The following MYO9A variants were observed in gnomAD, a reference collection of about 807,000 sequenced individuals.
The protein encoded by MYO9A is unconventional myosin-IXa.
A neutral mutation model predicts 293.3 loss-of-function variants in MYO9A; 103 were observed. The ratio of observed to expected loss-of-function variants is 0.35; its 90% CI spans 0.30 to 0.41. MYO9A has a LOEUF of 0.41. MYO9A is among the 10% of genes least tolerant of loss of function. The pLI, the probability that MYO9A is intolerant of heterozygous loss-of-function variation, is 1.00. For missense variants in MYO9A, 2,685 were observed against 3,033.0 expected (o/e 0.89, Z 2.69); for synonymous variants, 1,001 against 1,035.7 (o/e 0.97, Z 0.64).
intron 4 of MYO9A, among the ~76,000 whole-genome samples, chr15:72,021,235 A>G (rs1197799479): frequency 6.6e-6 from 1 of 152,204 alleles, no homozygotes; most frequent in Non-Finnish European, 1.5e-5. Context: ...CAAAGTTAAC[A>G]AAGTTAGGAC....
chr15:71,928,330 GC>G (rs2058383469), intron 18 of MYO9A, among the ~76,000 whole-genome samples: 1 of 151,272 alleles, frequency 6.6e-6, no homozygotes, highest in South Asian at 2.1e-4. Flanking sequence ...ACCCGCCTCG[GC>G]CTCCCAAAGT....
At chr15:71,930,645 T>A (rs2058450125) in intron 18 of MYO9A, among the ~76,000 whole-genome samples, 1 of 152,210 alleles carries the variant, frequency 6.6e-6, no homozygotes, top group Non-Finnish European at 1.5e-5. Flanking sequence ...CTTTTTTTAA[T>A]GCATTCAGGC....
At chr15:72,001,112 CTATACTTAATGT>C (rs2076851988) in intron 8 of MYO9A, among the ~76,000 whole-genome samples, 1 of 152,116 alleles carries the variant, frequency 6.6e-6, no homozygotes, top group African/African-American at 2.4e-5. Flanking sequence ...CAAACCTTGA[CTATACTTAATGT>C]TACCAGACCT....
intron 18 of MYO9A, among the ~76,000 whole-genome samples, chr15:71,923,981 T>C (rs939179897): frequency 6.6e-6 from 1 of 152,136 alleles, no homozygotes; most frequent in South Asian, 2.1e-4. Flanking sequence ...TAGACAATTA[T>C]TGCTATAAAC....
At chr15:72,100,952 G>A (rs56295239) in intron 1 of MYO9A, among the ~76,000 whole-genome samples, 2 of 119,630 alleles carry the variant, frequency 1.7e-5, no homozygotes, top group African/African-American at 6.7e-5. Flanking sequence ...GCCAGCCGCC[G>A]CGTCCCGGAG....
Position 72,010,390 on chromosome 15 carries a change from C to T in MYO9A, c.1213G>A (p.Ala405Thr). 6.2e-7 allele frequency: 1 copy of T among 1,613,432 alleles called. No individual in the cohort carries two copies. Among genetic ancestry groups the T allele is most frequent in the Non-Finnish European group, 8.5e-7 (1 of 1,179,630 alleles). ...LRHDFERLQLAMEMVGFLPKT... is the reference protein window; with the variant it reads ...LRHDFERLQLTMEMVGFLPKT... ...GGAAGAAATCCTACCATTTCCATGG[C>T]AAGTTGTAGGCGCTCAAAGTCATGT... The change falls in exon 7 of 42, where the codon GCC becomes ACC. Residue 405 changes from alanine to threonine, a missense_variant. Coordinates refer to ENST00000356056, the MANE Select transcript of MYO9A (RefSeq NM_006901.4).
chr15:71,826,923 G>A lies in MYO9A; in HGVS notation c.7304C>T (p.Ser2435Phe). 4 of 1,614,050 alleles carry A rather than the reference G, an allele frequency of 2.5e-6. No individual in the cohort carries two copies. The highest frequency in any genetic ancestry group is 3.4e-6 in the Non-Finnish European group (4 of 1,179,938). The change falls in exon 42 of 42, where the codon TCT (serine) becomes TTT (phenylalanine). Residue 2435 changes from serine to phenylalanine, a missense_variant. This residue lies in a region of MYO9A where 350 missense variants were observed against 328.9 expected (regional missense o/e 1.06). Coordinates refer to ENST00000356056, the MANE Select transcript of MYO9A (RefSeq NM_006901.4). The part of the protein sequence containing the change: ...SLDVVDSSVS[S>F]LCLSNTASSH... Reference sequence around the variant, plus strand: ...TGATGCCGTGTTAGACAGACATAAAGAGGAGACCGAAGAGTCCACGACATC... The same window carrying A: ...TGATGCCGTGTTAGACAGACATAAAAAGGAGACCGAAGAGTCCACGACATC...
intron 2 of MYO9A, among the ~76,000 whole-genome samples, chr15:72,042,677 A>AG (rs2078261597): frequency 6.6e-6 from 1 of 152,072 alleles, no homozygotes; most frequent in Non-Finnish European, 1.5e-5. Context: ...AGAAAAAAAA[A>AG]AAAAGACATC....
intron 39 of MYO9A, among the ~76,000 whole-genome samples, chr15:71,833,953 C>G (rs761418624): frequency 2.0e-4 from 30 of 151,876 alleles, no homozygotes; most frequent in African/African-American, 5.6e-4. Context: ...GGATGTAAGA[C>G]TCTATTTCAG....
At chr15:71,995,314 T>G (rs1308985987) in intron 9 of MYO9A, among the ~76,000 whole-genome samples, 1 of 152,194 alleles carries the variant, frequency 6.6e-6, no homozygotes, top group Non-Finnish European at 1.5e-5. Context: ...TCTTAAAACA[T>G]ACACTAATAC....
At chr15:71,961,447 A>G (rs2075737448) in intron 13 of MYO9A, among the ~76,000 whole-genome samples, 2 of 152,330 alleles carry the variant, frequency 1.3e-5, no homozygotes, top group Admixed American at 1.3e-4. Context: ...AATAGTAGGT[A>G]ACACTTGAGA....
chr15:71,825,005 T>A lies in MYO9A; in HGVS notation c.*1575A>T, dbSNP rs545501936. 2.6e-5 allele frequency: 4 copies of A among 152,342 alleles called. No homozygotes were observed. The South Asian group carries it at 6.2e-4, about 24-fold the overall frequency. The allele number at this position is 152,342 out of a possible 1,614,324, so 9.4% of individuals were successfully genotyped here. ...GGAAGAATACCCAAAATACAGGTTA[T>A]AGATGGTAAAGGCTCTTTTTCAGAG... On this transcript the variant is annotated 3_prime_UTR_variant, in exon 42 of 42. Coordinates refer to ENST00000356056, the MANE Select transcript of MYO9A (RefSeq NM_006901.4).
At chr15:71,963,090 T>G (rs1596291273) in intron 13 of MYO9A, among the ~76,000 whole-genome samples, 1 of 152,126 alleles carries the variant, frequency 6.6e-6, no homozygotes, top group East Asian at 1.9e-4. Context: ...TTTTTTGGTT[T>G]GTTTGTTTTT....
intron 1 of MYO9A, among the ~76,000 whole-genome samples, chr15:72,110,385 G>A (rs1239364100): frequency 5.6e-5 from 7 of 125,252 alleles, no homozygotes; most frequent in African/African-American, 1.6e-4. Flanking sequence ...GCAGTGAGCC[G>A]AAATTGCACC....
intron 2 of MYO9A, among the ~76,000 whole-genome samples, chr15:72,042,741 A>G (rs2078263775): frequency 1.3e-5 from 2 of 152,004 alleles, no homozygotes; most frequent in African/African-American, 4.8e-5. Context: ...GACTATATGA[A>G]AAATCCAATG....
chr15:72,012,317 T>C (rs1055969646), intron 6 of MYO9A, among the ~76,000 whole-genome samples: 2 of 152,132 alleles, frequency 1.3e-5, no homozygotes, highest in African/African-American at 4.8e-5. Flanking sequence ...TTTTTTGAGA[T>C]GGAGTGTCGC....
intron 26 of MYO9A, chr15:71,892,738 C>T (rs753473957): frequency 1.2e-5 from 3 of 248,514 alleles, no homozygotes; most frequent in Non-Finnish European, 2.4e-5. Flanking sequence ...AAAATTTCTA[C>T]ATTAGTGCCA....
At chr15:71,897,358 G>A (rs2057359365) in intron 25 of MYO9A, 103 bp downstream of exon 25, 1 of 1,267,300 alleles carries the variant, frequency 7.9e-7, no homozygotes, top group Non-Finnish European at 1.1e-6. Context: ...AAATGGCCAA[G>A]TTGAGCAGCC....
intron 1 of MYO9A, among the ~76,000 whole-genome samples, chr15:72,101,344 G>A (rs1232137429): frequency 1.0e-3 from 94 of 92,532 alleles, no homozygotes; most frequent in African/African-American, 1.5e-3. Context: ...AGGTCGGGGC[G>A]TCAGCCTCCC....
Sources: gnomAD v4.1 joint callset for allele counts (sites outside exome capture counted in the v4.1 genomes callset) on GRCh38, gnomAD v4.1.1 for gene constraint, gnomAD v4.1.1 regional missense constraint, MANE v1.5 for transcripts, NCBI Gene and HGNC (gene_info 2026-07-23, HGNC 2026-07-21) for gene names.